Variants in SEMA3E observed in about 807,000 individuals in gnomAD.
SEMA3E encodes the protein semaphorin 3E, also known as semaphorin-3E.
In SEMA3E, 49 loss-of-function variants were observed where a neutral mutation model predicts 93.6. The ratio of observed to expected loss-of-function variants is 0.52; its 90% confidence interval spans 0.42 to 0.66. SEMA3E has a LOEUF of 0.66. Ranked by LOEUF, SEMA3E falls within the 30% of genes least tolerant of loss-of-function variation. The probability of loss-of-function intolerance (pLI) is 0.00; values close to 1 mark genes in which losing one functional copy is unlikely to be tolerated. For missense variants in SEMA3E, 906 were observed against 964.8 expected, an observed-to-expected ratio of 0.94 and a Z score of 0.81; for synonymous variants, 363 against 330.7, an observed-to-expected ratio of 1.10 and a Z score of -1.06.
intron 5 of SEMA3E, 97 bp downstream of exon 5, chr7:83,418,293 G>C (rs1177318631): frequency 2.3e-6 from 2 of 856,466 alleles, no homozygotes; most frequent in East Asian, 5.3e-5. Flanking sequence ...ACAAGGCATA[G>C]TATGTAAAGA....
Position 83,476,339 on chromosome 7 carries a change from A to AT in SEMA3E, c.277-7038dup, listed in dbSNP as rs376849468. The stretch of plus-strand genomic sequence containing the variant: ...TTTAATCGGAAGGAAATACTGTAGG[A>AT]TTTTAGCAATAACCCCGGCTCTGAA... On this transcript the variant is annotated intron_variant, in intron 2 of 16. Coordinates refer to ENST00000643230, the MANE Select transcript of SEMA3E (RefSeq NM_012431.3). Among the ~76,000 whole-genome samples, 418 of 152,294 alleles carry AT rather than the reference A, an allele frequency of 2.7e-3. 3 individuals carry two copies. Among genetic ancestry groups the AT allele is most frequent in the African/African-American group, 9.3e-3 (387 of 41,564 alleles).
chr7:83,630,474 A>G (rs550218048), intron 1 of SEMA3E, among the ~76,000 whole-genome samples: 3 of 152,332 alleles, frequency 2.0e-5, no homozygotes, highest in Non-Finnish European at 4.4e-5. Context: ...ATATACTGAT[A>G]GCAAATGGAA....
rs183704759 is a variant in SEMA3E at position 83,403,302 on chromosome 7, G to A, written c.999-526C>T. Among the ~76,000 whole-genome samples, 3 of 151,736 alleles carry A rather than the reference G, an allele frequency of 2.0e-5. No homozygotes were observed. The East Asian group carries it at 5.8e-4, about 29-fold the overall frequency. ...TTTAGGCTTTTTTCCATTTTTTAGC[G>A]GGGGTTCATGTAAACTTTAATATGC... On this transcript the variant is annotated intron_variant, in intron 9 of 16. Transcript: ENST00000643230.
intron 1 of SEMA3E, among the ~76,000 whole-genome samples, chr7:83,574,250 T>C (rs555962296): frequency 6.6e-6 from 1 of 152,270 alleles, no homozygotes; most frequent in East Asian, 1.9e-4. Context: ...AACAAAGTGA[T>C]AGATAGTCAA....
At position 83,507,199 on chromosome 7, in the gene SEMA3E, G is replaced by A. The variant is rs3801518; in HGVS notation, c.116-16925C>T. Among the ~76,000 whole-genome samples, 5 of 152,130 alleles carry A rather than the reference G, an allele frequency of 3.3e-5. No individual in the cohort carries two copies. The East Asian group carries it at 7.7e-4, about 24-fold the overall frequency. ...GATCTTTAAAATAGTTGGATCCTCTGGCAAGGTCACTACCCCTATCTGGAA... is the reference window on the plus strand; with the variant it reads ...GATCTTTAAAATAGTTGGATCCTCTAGCAAGGTCACTACCCCTATCTGGAA... On this transcript the variant is annotated intron_variant, in intron 1 of 16. Transcript: ENST00000643230.
intron 11 of SEMA3E, among the ~76,000 whole-genome samples, chr7:83,398,432 T>C (rs1259247273): frequency 6.6e-6 from 1 of 152,206 alleles, no homozygotes; most frequent in Non-Finnish European, 1.5e-5. Context: ...ATTATGCAAC[T>C]TTTAAAAATT....
At chr7:83,528,528 A>C (rs3801526) in intron 1 of SEMA3E, among the ~76,000 whole-genome samples, 19,761 of 152,108 alleles carry the variant, frequency 0.13, 1,780 homozygotes, top group African/African-American at 0.24. Context: ...AATATTGCCA[A>C]AATTTCTTTA....
chr7:83,584,065 A>T (rs1792569214), intron 1 of SEMA3E, among the ~76,000 whole-genome samples: 1 of 152,088 alleles, frequency 6.6e-6, no homozygotes, highest in Non-Finnish European at 1.5e-5. Flanking sequence ...TATCCAGTTG[A>T]GGTAGTGTTT....
intron 1 of SEMA3E, among the ~76,000 whole-genome samples, chr7:83,586,077 T>C (rs1792620655): frequency 6.6e-6 from 1 of 152,154 alleles, no homozygotes; most frequent in African/African-American, 2.4e-5. Flanking sequence ...GGAAAAAGTC[T>C]TTGCAAACAA....
chr7:83,481,914 G>C (rs1027634615), intron 2 of SEMA3E, among the ~76,000 whole-genome samples: 1 of 152,134 alleles, frequency 6.6e-6, no homozygotes, highest in African/African-American at 2.4e-5. Context: ...ATATAGGACT[G>C]GTATTTCCAA....
chr7:83,374,370 G>C (rs1201291645), intron 16 of SEMA3E, among the ~76,000 whole-genome samples: 1 of 152,244 alleles, frequency 6.6e-6, no homozygotes, highest in African/African-American at 2.4e-5. Context: ...TGGGAGTCCA[G>C]ATGGCACAGA....
intron 1 of SEMA3E, among the ~76,000 whole-genome samples, chr7:83,627,628 CTTTTTTTTTTTT>C (rs746550123): frequency 1.5e-5 from 1 of 65,348 alleles, no homozygotes; most frequent in African/African-American, 7.1e-5. Context: ...GCAACCCCTG[CTTTTTTTTTTTT>C]TTTTTTTTTT....
intron 1 of SEMA3E, among the ~76,000 whole-genome samples, chr7:83,630,867 T>C (rs1157312644): frequency 6.6e-6 from 1 of 152,178 alleles, no homozygotes. Context: ...ATTTTAAATT[T>C]TGAGGAAATT....
chr7:83,473,846 C>T (rs1254087059), intron 2 of SEMA3E, among the ~76,000 whole-genome samples: 1 of 152,082 alleles, frequency 6.6e-6, no homozygotes, highest in African/African-American at 2.4e-5. Context: ...GTAATCCCAG[C>T]ACTTTGGGAG....
chr7:83,584,905 A>G (rs1298553918), intron 1 of SEMA3E, among the ~76,000 whole-genome samples: 1 of 152,088 alleles, frequency 6.6e-6, no homozygotes, highest in East Asian at 1.9e-4. Context: ...AAACTCAGTT[A>G]TATTGTTTCC....
intron 2 of SEMA3E, among the ~76,000 whole-genome samples, chr7:83,485,832 G>T (rs1324719816): frequency 6.6e-6 from 1 of 152,086 alleles, no homozygotes; most frequent in Non-Finnish European, 1.5e-5. Flanking sequence ...GATGTTGGGA[G>T]CTGGGTTCAG....
intron 5 of SEMA3E, among the ~76,000 whole-genome samples, chr7:83,412,075 A>G (rs931705846): frequency 1.7e-4 from 26 of 152,274 alleles, no homozygotes; most frequent in African/African-American, 4.6e-4. Context: ...AGAGACTGCC[A>G]TGTAATTCTC....
chr7:83,485,099 T>C (rs1790225661), intron 2 of SEMA3E, among the ~76,000 whole-genome samples: 1 of 152,190 alleles, frequency 6.6e-6, no homozygotes, highest in South Asian at 2.1e-4. Context: ...CTGGATGCTT[T>C]TCCACATGCA....
chr7:83,435,783 G>A (rs1489499504), intron 4 of SEMA3E, among the ~76,000 whole-genome samples: 3 of 151,964 alleles, frequency 2.0e-5, no homozygotes, highest in Admixed American at 2.0e-4. Flanking sequence ...TATATCATTG[G>A]TCTTTCGTGA....
Sources: allele counts gnomAD v4.1 joint callset (sites outside exome capture counted in the v4.1 genomes callset), GRCh38; gene constraint gnomAD v4.1.1; transcripts MANE v1.5; gene names NCBI Gene and HGNC (gene_info 2026-07-23, HGNC 2026-07-21).